Variants in PIEZO2 observed in about 807,000 individuals in gnomAD.
The protein encoded by PIEZO2 is piezo-type mechanosensitive ion channel component 2.
PIEZO2 carries 172 observed loss-of-function variants against 337.3 expected under a neutral mutation model. The ratio of observed to expected loss-of-function variants is 0.51; its 90% CI spans 0.45 to 0.58. PIEZO2 has a LOEUF of 0.58. Ranked by LOEUF, PIEZO2 falls within the 20% of genes least tolerant of loss-of-function variation. The pLI is 0.00. For synonymous variants in PIEZO2, 1,251 were observed against 1,228.5 expected (o/e 1.02, Z -0.38); for missense variants, 3,028 against 3,391.3 (o/e 0.89, Z 2.66).
At chr18:10,914,045 C>T (rs2030711876) in intron 3 of PIEZO2, among the ~76,000 whole-genome samples, 2 of 152,154 alleles carry the variant, frequency 1.3e-5, no homozygotes, top group African/African-American at 4.8e-5. Context: ...ACAGACATGT[C>T]CAGATCCTTT....
rs188318522 is a variant in PIEZO2, at chr18:11,128,309, C to T, written c.64+20216G>A. The stretch of plus-strand genomic sequence containing the variant: ...GAGTCTTATCTCCTTAGAGAAAGAG[C>T]TGAAATTGTGGAAAAACAGACACAA... On this transcript the variant is annotated intron_variant, in intron 1 of 55. Coordinates refer to ENST00000674853, the MANE Select transcript of PIEZO2 (RefSeq NM_001378183.1). The surrounding 1 kb of genome is among the most constrained non-coding windows in gnomAD (Gnocchi z 4.1). 4.1e-4 allele frequency among the ~76,000 whole-genome samples: 62 copies of T among 152,244 alleles called. No individual in the cohort carries two copies. The highest frequency in any genetic ancestry group is 1.4e-3 in the African/African-American group (58 of 41,548).
chr18:10,681,866 T>A, intron 50 of PIEZO2, 113 bp from the exon 51 acceptor site: 1 of 977,650 alleles, frequency 1.0e-6, no homozygotes, highest in Non-Finnish European at 1.6e-6. Context: ...GCTATGTTTA[T>A]CCCATGATAC....
intron 36 of PIEZO2, among the ~76,000 whole-genome samples, chr18:10,719,254 A>G (rs1464059797): frequency 1.3e-5 from 2 of 152,290 alleles, no homozygotes; most frequent in South Asian, 2.1e-4. Context: ...ACAAGCACAT[A>G]TTGTGTCATG....
Position 10,748,575 on chromosome 18 carries a change from G to A in PIEZO2, c.4320C>T (p.Asp1440=). 1 of 1,533,114 alleles carries A rather than the reference G, an allele frequency of 6.5e-7. No homozygotes were observed. The highest frequency in any genetic ancestry group is 8.7e-7 in the Non-Finnish European group (1 of 1,145,262). The allele number at this position is 1,533,114 out of a possible 1,614,324, so 95.0% of individuals were successfully genotyped here. A position where few individuals can be genotyped will look rare whatever the true frequency, so the allele number is the denominator to read the frequency against. Reference sequence around the variant, plus strand: ...GCAGGAGGAAGGCAAAACATATGCTGTCCCAAATGATTCCTGCTTCCCCAC... The same window carrying A: ...GCAGGAGGAAGGCAAAACATATGCTATCCCAAATGATTCCTGCTTCCCCAC... ...LPSGEAGIIW[D]SICFAFLLLQ... The change falls in exon 30 of 56, where the codon GAC becomes GAT. Residue 1440 remains aspartate, a synonymous_variant. Coordinates refer to ENST00000674853, the MANE Select transcript of PIEZO2 (RefSeq NM_001378183.1). This position sits in a 1 kb window ranked among gnomAD's most constrained non-coding sequence, Gnocchi z 5.1.
rs1441660835 is a variant in PIEZO2, at chr18:10,750,835, T to C, written c.4168-648A>G. 1.3e-5 allele frequency among the ~76,000 whole-genome samples: 2 copies of C among 152,204 alleles called. No individual in the cohort carries two copies. The highest frequency in any genetic ancestry group is 6.5e-5 in the Admixed American group (1 of 15,286). The stretch of plus-strand genomic sequence containing the variant: ...ACATTGTGTGCATTTCCTGGGAACA[T>C]GTGAGGAAGGAGAATATCATCAGGA... On this transcript the variant is annotated intron_variant, in intron 28 of 55. Transcript: ENST00000674853. The surrounding 1 kb of genome is among the most constrained non-coding windows in gnomAD (Gnocchi z 4.1).
intron 1 of PIEZO2, among the ~76,000 whole-genome samples, chr18:11,136,287 G>C (rs1412931413): frequency 8.5e-5 from 13 of 152,212 alleles, no homozygotes; most frequent in Admixed American, 3.3e-4. Flanking sequence ...ATCATGCTTT[G>C]AAAGTTATTG....
At chr18:11,086,353 G>C (rs2865145) in intron 1 of PIEZO2, among the ~76,000 whole-genome samples, 2 of 151,464 alleles carry the variant, frequency 1.3e-5, no homozygotes, top group African/African-American at 4.9e-5. Flanking sequence ...ACCCCGTCTC[G>C]ACTAAAAATA....
rs2039497435 is a variant in PIEZO2, at chr18:11,104,230, T to G, written c.65-38008A>C. Reference sequence around the variant, plus strand: ...CTATGTAACACTTGGAGCCCAGAATTTGGAGGCTTTTCACATACTCTGAGA... The same window carrying G: ...CTATGTAACACTTGGAGCCCAGAATGTGGAGGCTTTTCACATACTCTGAGA... On this transcript the variant is annotated intron_variant, in intron 1 of 55. Transcript: ENST00000674853. This position sits in a 1 kb window ranked among gnomAD's most constrained non-coding sequence, Gnocchi z 4.6. 1.3e-5 allele frequency among the ~76,000 whole-genome samples: 2 copies of G among 152,218 alleles called. No individual in the cohort carries two copies. The highest frequency in any genetic ancestry group is 4.2e-4 in the South Asian group (2 of 4,818).
intron 27 of PIEZO2, among the ~76,000 whole-genome samples, chr18:10,756,623 T>G: frequency 1.8e-5 from 2 of 110,888 alleles, no homozygotes; most frequent in East Asian, 2.8e-4. Flanking sequence ...GAAGGATAGA[T>G]GGAGGATGAG....
intron 36 of PIEZO2, among the ~76,000 whole-genome samples, chr18:10,731,043 C>A (rs1036682007): frequency 2.0e-5 from 3 of 151,844 alleles, no homozygotes; most frequent in Non-Finnish European, 4.4e-5. Flanking sequence ...TTTCTAAGAA[C>A]AATTTTTAAC....
At position 10,781,445 on chromosome 18, in the gene PIEZO2, G is replaced by A. The variant is rs1433732952; in HGVS notation, c.2493-1079C>T. On this transcript the variant is annotated intron_variant, in intron 17 of 55. Coordinates refer to ENST00000674853, the MANE Select transcript of PIEZO2 (RefSeq NM_001378183.1). This position sits in a 1 kb window ranked among gnomAD's most constrained non-coding sequence, Gnocchi z 4.1. ...AGATGGCACCACTGCACTCCAGCTT[G>A]GGCAACAGAGCGAGACTCCGTTTCA... Among the ~76,000 whole-genome samples the A allele has an allele frequency of 6.6e-6, 1 of 150,422 alleles. No homozygotes were observed. Among genetic ancestry groups the A allele is most frequent in the African/African-American group, 2.5e-5 (1 of 40,714 alleles).
At position 10,813,610 on chromosome 18, in the gene PIEZO2, A is replaced by G. The variant is rs2040265130; in HGVS notation, c.918-6336T>C. On this transcript the variant is annotated intron_variant, in intron 7 of 55. Coordinates refer to ENST00000674853, the MANE Select transcript of PIEZO2 (RefSeq NM_001378183.1). This position sits in a 1 kb window ranked among gnomAD's most constrained non-coding sequence, Gnocchi z 4.2. The stretch of plus-strand genomic sequence containing the variant: ...CCACTTTAAGGCTGAATACATAAAT[A>G]TATACATATGTATGTCCCATTTGTT... 6.6e-6 allele frequency among the ~76,000 whole-genome samples: 1 copy of G among 152,170 alleles called. No homozygotes were observed. The highest frequency in any genetic ancestry group is 6.5e-5 in the Admixed American group (1 of 15,282).
At chr18:10,679,883 G>T (rs1330082708) in intron 52 of PIEZO2, among the ~76,000 whole-genome samples, 1 of 152,110 alleles carries the variant, frequency 6.6e-6, no homozygotes, top group Non-Finnish European at 1.5e-5. Context: ...AAATACAGTG[G>T]ATTTTGGAAT....
At chr18:10,802,169 C>T (rs1002268360) in intron 9 of PIEZO2, among the ~76,000 whole-genome samples, 37 of 150,764 alleles carry the variant, frequency 2.5e-4, no homozygotes, top group Non-Finnish European at 4.3e-4. Flanking sequence ...GATTTGCATA[C>T]TGTCTACAAC....
Position 11,132,025 on chromosome 18 carries a change from A to G in PIEZO2, c.64+16500T>C, listed in dbSNP as rs1599008297. ...GCTGAGTACCCAATTTGCCAACAGC[A>G]GAGACCAATACTGAGCCCTCGATAT... On this transcript the variant is annotated intron_variant, in intron 1 of 55. Transcript: ENST00000674853. The surrounding 1 kb of genome is among the most constrained non-coding windows in gnomAD (Gnocchi z 4.7). Among the ~76,000 whole-genome samples the G allele has an allele frequency of 6.6e-6, 1 of 152,322 alleles. No homozygotes were observed.
At chr18:10,939,419 A>G (rs2032597416) in intron 3 of PIEZO2, among the ~76,000 whole-genome samples, 1 of 152,254 alleles carries the variant, frequency 6.6e-6, no homozygotes, top group Non-Finnish European at 1.5e-5. Flanking sequence ...ATTACTGGGT[A>G]TATACCCAAA....
intron 4 of PIEZO2, among the ~76,000 whole-genome samples, chr18:10,891,316 C>T (rs2042748919): frequency 6.6e-6 from 1 of 151,862 alleles, no homozygotes; most frequent in Non-Finnish European, 1.5e-5. Flanking sequence ...GACTGAGACT[C>T]TGTTAAAAAA....
chr18:10,721,929 G>A (rs2036327995), intron 36 of PIEZO2, among the ~76,000 whole-genome samples: 1 of 152,118 alleles, frequency 6.6e-6, no homozygotes, highest in African/African-American at 2.4e-5. Context: ...ACCGAGGTGG[G>A]AGGATCACAA....
At chr18:11,107,011 G>A (rs1217628355) in intron 1 of PIEZO2, among the ~76,000 whole-genome samples, 2 of 152,160 alleles carry the variant, frequency 1.3e-5, no homozygotes, top group African/African-American at 2.4e-5. Flanking sequence ...CAAAGCTTCA[G>A]TTTGACAAAA....
Sources: allele counts gnomAD v4.1 joint callset (sites outside exome capture counted in the v4.1 genomes callset), GRCh38; gene constraint gnomAD v4.1.1; non-coding constraint Gnocchi (gnomAD v3.1); transcripts MANE v1.5; gene names NCBI Gene and HGNC (gene_info 2026-07-23, HGNC 2026-07-21).